The following B3GALT1 variants were observed in gnomAD, a reference collection of about 807,000 sequenced individuals.
B3GALT1 encodes beta-1,3-galactosyltransferase 1.
Under a neutral mutation model 23.2 loss-of-function variants are expected in B3GALT1, and 10 were observed. That is an observed-to-expected ratio of 0.43 (90% CI 0.27 to 0.73). B3GALT1 has a LOEUF of 0.73. Among genes scored for constraint, B3GALT1 ranks in the 30% least tolerant of loss-of-function variants. The pLI is 0.21. For missense variants in B3GALT1, 299 were observed against 405.4 expected (o/e 0.74, Z 2.25); for synonymous variants, 156 against 141.5 (o/e 1.10, Z -0.73).
chr2:167,494,298 A>C (rs999211727), intron 2 of B3GALT1, among the ~76,000 whole-genome samples: 1 of 151,986 alleles, frequency 6.6e-6, no homozygotes. Context: ...TGTTTATATA[A>C]AAGATATCAG....
At chr2:167,587,011 C>T (rs113436754) in intron 2 of B3GALT1, among the ~76,000 whole-genome samples, 2,201 of 152,236 alleles carry the variant, frequency 0.014, 25 homozygotes, top group Middle Eastern at 0.02. Context: ...ATCTTGTACT[C>T]CTACCTTCAT....
rs187366675 is a variant in B3GALT1 at position 167,647,026 on chromosome 2, A to G, written c.-352+60A>G. On this transcript the variant is annotated intron_variant, in intron 3 of 4. Coordinates refer to ENST00000392690, the MANE Select transcript of B3GALT1 (RefSeq NM_020981.4). ...CTTATTTTGGTTGCTTTTGATCCTC[A>G]GTGGTCTCATCTCACCTTCCATACT... Among the ~76,000 whole-genome samples, 4 of 152,250 alleles carry G rather than the reference A, an allele frequency of 2.6e-5. No individual in the cohort carries two copies. The East Asian group carries it at 7.7e-4, about 29-fold the overall frequency.
At chr2:167,358,585 G>A (rs1697452930) in intron 1 of B3GALT1, among the ~76,000 whole-genome samples, 1 of 151,738 alleles carries the variant, frequency 6.6e-6, no homozygotes, top group Admixed American at 6.6e-5. Context: ...TTCAAACAGG[G>A]CTCAATTTGA....
At chr2:167,739,742 G>A (rs1173404368) in intron 3 of B3GALT1, among the ~76,000 whole-genome samples, 1 of 151,952 alleles carries the variant, frequency 6.6e-6, no homozygotes, top group African/African-American at 2.4e-5. Context: ...TGAAATTAAG[G>A]AATGAATGAA....
intron 2 of B3GALT1, among the ~76,000 whole-genome samples, chr2:167,574,297 G>T (rs966903291): frequency 6.6e-6 from 1 of 151,634 alleles, no homozygotes; most frequent in Non-Finnish European, 1.5e-5. Context: ...TGATAAAATT[G>T]TTAGTTTTGT....
chr2:167,534,344 A>G (rs1029334505), intron 2 of B3GALT1, among the ~76,000 whole-genome samples: 2 of 151,890 alleles, frequency 1.3e-5, no homozygotes, highest in African/African-American at 4.8e-5. Context: ...TACAGTAGGT[A>G]ATTTCTTCAT....
chr2:167,749,601 A>G (rs537699171), intron 3 of B3GALT1, among the ~76,000 whole-genome samples: 2 of 152,324 alleles, frequency 1.3e-5, no homozygotes, highest in East Asian at 3.9e-4. Flanking sequence ...CTTTTAATCA[A>G]TTATTGACTA....
At chr2:167,750,354 GGGATTGGTA>G (rs757275603) in intron 3 of B3GALT1, among the ~76,000 whole-genome samples, 3 of 152,126 alleles carry the variant, frequency 2.0e-5, no homozygotes, top group Non-Finnish European at 2.9e-5. Flanking sequence ...ACGAAGGAGT[GGGATTGGTA>G]TTTCTGAATC....
At chr2:167,629,609 A>G (rs1685405150) in intron 2 of B3GALT1, among the ~76,000 whole-genome samples, 1 of 151,716 alleles carries the variant, frequency 6.6e-6, no homozygotes, top group African/African-American at 2.4e-5. Context: ...TTTTATTAAC[A>G]TTTTTCTTTA....
At chr2:167,431,492 A>T (rs1698703049) in intron 1 of B3GALT1, among the ~76,000 whole-genome samples, 1 of 152,226 alleles carries the variant, frequency 6.6e-6, no homozygotes, top group Non-Finnish European at 1.5e-5. Context: ...TGTTTAAATG[A>T]CAGTTTAGTG....
rs560014455 is a variant in B3GALT1, at chr2:167,718,322, A to T, written c.-352+71356A>T. On this transcript the variant is annotated intron_variant, in intron 3 of 4. Transcript: ENST00000392690. Reference sequence around the variant, plus strand: ...TCCCCAATTTCAAACCTCTCTTATGATTCATGAAACAATCAAATATCATCT... The same window carrying T: ...TCCCCAATTTCAAACCTCTCTTATGTTTCATGAAACAATCAAATATCATCT... Among the ~76,000 whole-genome samples, 38 of 152,196 alleles carry T rather than the reference A, an allele frequency of 2.5e-4. No individual in the cohort carries two copies. The South Asian group carries it at 6.8e-3, about 27-fold the overall frequency.
intron 1 of B3GALT1, among the ~76,000 whole-genome samples, chr2:167,364,233 C>G (rs894339248): frequency 3.3e-5 from 5 of 149,844 alleles, no homozygotes; most frequent in Non-Finnish European, 5.9e-5. Flanking sequence ...ATTCTGCACA[C>G]TTATATCAAG....
intron 4 of B3GALT1, among the ~76,000 whole-genome samples, chr2:167,856,095 AC>A (rs1184541680): frequency 6.6e-6 from 1 of 152,168 alleles, no homozygotes; most frequent in African/African-American, 2.4e-5. Context: ...AAAATAAAAC[AC>A]ATCTATGTCG....
At chr2:167,643,594 T>C (rs939249326) in intron 2 of B3GALT1, among the ~76,000 whole-genome samples, 2 of 151,864 alleles carry the variant, frequency 1.3e-5, no homozygotes, top group African/African-American at 2.4e-5. Context: ...AAAGCAAAAA[T>C]CCCAAATGAT....
At chr2:167,529,239 T>A (rs528043763) in intron 2 of B3GALT1, among the ~76,000 whole-genome samples, 10 of 152,078 alleles carry the variant, frequency 6.6e-5, no homozygotes, top group Non-Finnish European at 1.3e-4. Flanking sequence ...ATTACTGGCT[T>A]CTCATTCCCA....
At chr2:167,824,585 T>A (rs754175855) in intron 4 of B3GALT1, among the ~76,000 whole-genome samples, 1 of 152,194 alleles carries the variant, frequency 6.6e-6, no homozygotes, top group East Asian at 1.9e-4. Context: ...CACTCCACCC[T>A]CCAGGGCTCA....
At chr2:167,445,296 A>G (rs894400633) in intron 1 of B3GALT1, among the ~76,000 whole-genome samples, 2 of 152,198 alleles carry the variant, frequency 1.3e-5, no homozygotes, top group African/African-American at 2.4e-5. Flanking sequence ...TACGTGGTCA[A>G]TTTTGGAATA....
intron 3 of B3GALT1, among the ~76,000 whole-genome samples, chr2:167,777,272 T>A (rs1688177153): frequency 6.6e-6 from 1 of 152,208 alleles, no homozygotes; most frequent in Non-Finnish European, 1.5e-5. Context: ...TATCAATATA[T>A]CAATTATGAA....
chr2:167,826,912 A>G lies in B3GALT1; in HGVS notation c.-230+8119A>G, dbSNP rs113255100. On this transcript the variant is annotated intron_variant, in intron 4 of 4. Coordinates refer to ENST00000392690, the MANE Select transcript of B3GALT1 (RefSeq NM_020981.4). ...ATATGCAAATCCTGCACCATGTTATATAAGGAACTTAAGCATTTGCTGATT... is the reference window on the plus strand; with the variant it reads ...ATATGCAAATCCTGCACCATGTTATGTAAGGAACTTAAGCATTTGCTGATT... Among the ~76,000 whole-genome samples, 49 of 152,380 alleles carry G rather than the reference A, an allele frequency of 3.2e-4. 1 individual carries two copies. The highest frequency in any genetic ancestry group is 1.1e-3 in the African/African-American group (46 of 41,588).
Sources: allele counts gnomAD v4.1 joint callset (sites outside exome capture counted in the v4.1 genomes callset), GRCh38; gene constraint gnomAD v4.1.1; transcripts MANE v1.5; gene names NCBI Gene and HGNC (gene_info 2026-07-23, HGNC 2026-07-21).